CSRNP3: variants seen among roughly 807,000 people sequenced by gnomAD.
The protein encoded by CSRNP3 is cysteine and serine rich nuclear protein 3.
Under a neutral mutation model 48.0 loss-of-function variants are expected in CSRNP3, and 12 were observed. The observed-to-expected ratio is 0.25, with a 90% CI of 0.16 to 0.41. CSRNP3 has a LOEUF of 0.41. Ranked by LOEUF, CSRNP3 falls within the 10% of genes least tolerant of loss-of-function variation. The pLI, the probability that CSRNP3 is intolerant of heterozygous loss-of-function variation, is 1.00. For synonymous variants in CSRNP3, 263 were observed against 269.7 expected (o/e 0.98, Z 0.24); for missense variants, 580 against 724.4 (o/e 0.80, Z 2.29).
chr2:165,619,616 G>A (rs1040082901), intron 4 of CSRNP3, among the ~76,000 whole-genome samples: 1 of 151,964 alleles, frequency 6.6e-6, no homozygotes, highest in African/African-American at 2.4e-5. Context: ...CAAAATGGAA[G>A]ACACTATCAA....
At chr2:165,618,741 TG>T (rs1686291619) in intron 4 of CSRNP3, among the ~76,000 whole-genome samples, 1 of 152,206 alleles carries the variant, frequency 6.6e-6, no homozygotes, top group South Asian at 2.1e-4. Flanking sequence ...ATAGCCTTCA[TG>T]GGGATGAGAA....
At chr2:165,483,628 A>T (rs1684076746) in intron 1 of CSRNP3, among the ~76,000 whole-genome samples, 1 of 152,108 alleles carries the variant, frequency 6.6e-6, no homozygotes, top group Non-Finnish European at 1.5e-5. Flanking sequence ...AGACTGGGAG[A>T]ATTATAAACC....
At chr2:165,527,217 T>C (rs1355719508) in intron 3 of CSRNP3, among the ~76,000 whole-genome samples, 1 of 145,414 alleles carries the variant, frequency 6.9e-6, no homozygotes, top group Non-Finnish European at 1.5e-5. Flanking sequence ...TTTTTTTTTT[T>C]TTTTTTTGAG....
At chr2:165,503,123 A>G (rs1371763270) in intron 2 of CSRNP3, among the ~76,000 whole-genome samples, 1 of 151,962 alleles carries the variant, frequency 6.6e-6, no homozygotes, top group Non-Finnish European at 1.5e-5. Context: ...ACTGTCAAAT[A>G]TATTATGAAT....
intron 1 of CSRNP3, among the ~76,000 whole-genome samples, chr2:165,490,481 G>A (rs1371883024): frequency 2.4e-5 from 3 of 127,136 alleles, no homozygotes; most frequent in South Asian, 5.4e-4. Context: ...AAAAGAGCCC[G>A]CATCGCCAAG....
chr2:165,683,239 T>C lies in CSRNP3; in HGVS notation c.*3486T>C, dbSNP rs1041803434. On this transcript the variant is annotated 3_prime_UTR_variant, in exon 7 of 7. Coordinates refer to ENST00000651982, the MANE Select transcript of CSRNP3 (RefSeq NM_001172173.2). ...ATAGTTACTTTTTGAAAGCCCATCA[T>C]TTCTTTGTGATAAAACCATTTTCTC... The C allele has an allele frequency of 2.0e-5, 3 of 152,148 alleles. No homozygotes were observed. Among genetic ancestry groups the C allele is most frequent in the African/African-American group, 7.2e-5 (3 of 41,444 alleles). 9.4% of individuals were successfully genotyped at this position (152,148 alleles called of 1,614,324 possible).
chr2:165,498,767 G>A (rs745920442), intron 2 of CSRNP3, among the ~76,000 whole-genome samples: 4 of 151,982 alleles, frequency 2.6e-5, no homozygotes, highest in Admixed American at 6.6e-5. Flanking sequence ...TGGTGCTGTC[G>A]CTCACATCGT....
At chr2:165,569,222 A>G (rs1514760) in intron 3 of CSRNP3, among the ~76,000 whole-genome samples, 101,739 of 151,860 alleles carry the variant, frequency 0.67, 34,688 homozygotes, top group South Asian at 0.75. Context: ...GTTGTGAAGG[A>G]GAAGAAAATA....
intron 4 of CSRNP3, among the ~76,000 whole-genome samples, chr2:165,605,296 T>G (rs1435818132): frequency 6.6e-6 from 1 of 152,078 alleles, no homozygotes; most frequent in Non-Finnish European, 1.5e-5. Context: ...ACATGACAAA[T>G]TTCCTTACCC....
At chr2:165,514,385 G>A (rs909269492) in intron 2 of CSRNP3, among the ~76,000 whole-genome samples, 2 of 152,242 alleles carry the variant, frequency 1.3e-5, no homozygotes, top group East Asian at 1.9e-4. Flanking sequence ...GCCCAGGGGG[G>A]CCTGCAAAGG....
intron 5 of CSRNP3, among the ~76,000 whole-genome samples, chr2:165,668,853 A>G (rs1411497912): frequency 1.3e-5 from 2 of 152,116 alleles, no homozygotes; most frequent in African/African-American, 4.8e-5. Context: ...TGCTCTTAAG[A>G]ATTTTTACTC....
intron 3 of CSRNP3, among the ~76,000 whole-genome samples, chr2:165,570,192 G>A (rs187704912): frequency 3.9e-4 from 59 of 152,032 alleles, no homozygotes; most frequent in African/African-American, 1.2e-3. Flanking sequence ...TCATCTATGA[G>A]AATAGCCGAC....
At chr2:165,500,246 T>G (rs1286551421) in intron 2 of CSRNP3, among the ~76,000 whole-genome samples, 1 of 151,472 alleles carries the variant, frequency 6.6e-6, no homozygotes, top group Non-Finnish European at 1.5e-5. Context: ...CATATTTTTA[T>G]GCCATTGGAT....
intron 1 of CSRNP3, among the ~76,000 whole-genome samples, chr2:165,477,392 G>T (rs932787465): frequency 1.3e-5 from 2 of 149,076 alleles, no homozygotes; most frequent in Non-Finnish European, 3.0e-5. Flanking sequence ...GCCGAGGCAG[G>T]CAGATCACAT....
chr2:165,538,277 A>G (rs1233570242), intron 3 of CSRNP3, among the ~76,000 whole-genome samples: 1 of 151,994 alleles, frequency 6.6e-6, no homozygotes, highest in Non-Finnish European at 1.5e-5. Flanking sequence ...TATTATTACT[A>G]CTACATACCA....
intron 4 of CSRNP3, among the ~76,000 whole-genome samples, chr2:165,613,164 G>C (rs1034877629): frequency 6.6e-6 from 1 of 152,060 alleles, no homozygotes; most frequent in African/African-American, 2.4e-5. Flanking sequence ...GCATTTCTTT[G>C]ATGATTAGTG....
chr2:165,632,781 A>T (rs1301291634), intron 4 of CSRNP3, among the ~76,000 whole-genome samples: 1 of 152,186 alleles, frequency 6.6e-6, no homozygotes, highest in Non-Finnish European at 1.5e-5. Context: ...TTACTGTTTT[A>T]TCAGAGCTTT....
At chr2:165,636,608 C>G (rs1020466314) in intron 4 of CSRNP3, among the ~76,000 whole-genome samples, 1 of 152,094 alleles carries the variant, frequency 6.6e-6, no homozygotes, top group Admixed American at 6.6e-5. Context: ...ACTAAATGAA[C>G]AAATTAATCA....
intron 3 of CSRNP3, among the ~76,000 whole-genome samples, chr2:165,573,574 A>T (rs1360801601): frequency 6.6e-6 from 1 of 152,252 alleles, no homozygotes; most frequent in East Asian, 1.9e-4. Flanking sequence ...ATTTAAATAC[A>T]TAGTTTAACT....
Sources: gnomAD v4.1 joint callset for allele counts (sites outside exome capture counted in the v4.1 genomes callset) on GRCh38, gnomAD v4.1.1 for gene constraint, MANE v1.5 for transcripts, NCBI Gene and HGNC (gene_info 2026-07-23, HGNC 2026-07-21) for gene names.